The following COL21A1 variants were observed in gnomAD, a reference collection of about 807,000 sequenced individuals.
COL21A1 encodes collagen alpha-1(XXI) chain.
Under a neutral mutation model 137.9 loss-of-function variants are expected in COL21A1, and 149 were observed. The ratio of observed to expected loss-of-function variants is 1.08; its 90% CI spans 0.95 to 1.24. The LOEUF is 1.24. COL21A1 is among the 50% of genes most tolerant of loss of function. The probability of loss-of-function intolerance (pLI) is 0.00; values close to 1 mark genes in which losing one functional copy is unlikely to be tolerated. For missense variants in COL21A1, 1,167 were observed against 1,158.4 expected (o/e 1.01, Z -0.11); for synonymous variants, 456 against 391.5 (o/e 1.16, Z -1.95).
intron 1 of COL21A1, among the ~76,000 whole-genome samples, chr6:56,186,987 T>A (rs1364579820): frequency 1.3e-5 from 2 of 152,248 alleles, no homozygotes; most frequent in Non-Finnish European, 2.9e-5. Flanking sequence ...GTTGGAGAAC[T>A]GATATTAACT....
chr6:56,387,881 A>G (rs1450011746), intron 1 of COL21A1, among the ~76,000 whole-genome samples: 1 of 152,138 alleles, frequency 6.6e-6, no homozygotes, highest in Non-Finnish European at 1.5e-5. Context: ...CTTAGTGCTG[A>G]CCTGGTCTGA....
chr6:56,125,620 C>G lies in COL21A1; in HGVS notation c.1597G>C (p.Gly533Arg). Residue 533 changes from glycine to arginine, a missense_variant and splice_region_variant, in exon 14 of 30, where the codon GGT becomes CGT. Transcript: ENST00000244728. ...PGLHGMPGSK[G>R]EMGAKGDKGS... is the part of the protein sequence containing the mutation. ...TTGTCTCCTTTGGCACCCATTTCAC[C>G]CTAAAAGACAAAATATAAATAGTGA... 6.4e-7 allele frequency: 1 copy of G among 1,565,336 alleles called. No individual in the cohort carries two copies. Among genetic ancestry groups the G allele is most frequent in the East Asian group, 2.3e-5 (1 of 43,762 alleles).
chr6:56,098,856 C>CAG (rs1224808024), intron 17 of COL21A1, among the ~76,000 whole-genome samples: 2 of 148,186 alleles, frequency 1.3e-5, no homozygotes, highest in Admixed American at 7.0e-5. Flanking sequence ...GCTGGGACTA[C>CAG]AGGCACGTGC....
At chr6:56,087,404 G>A (rs1316281848) in intron 17 of COL21A1, among the ~76,000 whole-genome samples, 10 of 152,044 alleles carry the variant, frequency 6.6e-5, no homozygotes, top group Admixed American at 6.6e-4. Context: ...ATTGTCTTAG[G>A]GGGCAAGTAG....
intron 1 of COL21A1, among the ~76,000 whole-genome samples, chr6:56,281,979 CTT>C (rs1342190541): frequency 6.6e-6 from 1 of 152,100 alleles, no homozygotes; most frequent in African/African-American, 2.4e-5. Context: ...ACCAAATAAA[CTT>C]TGCTGTGAGA....
chr6:56,132,121 T>C (rs1430594963), intron 12 of COL21A1, among the ~76,000 whole-genome samples: 1 of 150,770 alleles, frequency 6.6e-6, no homozygotes, highest in African/African-American at 2.4e-5. Context: ...ATAAAATATA[T>C]TTTTAAAGGG....
intron 9 of COL21A1, among the ~76,000 whole-genome samples, chr6:56,158,839 C>A (rs1056522933): frequency 1.3e-5 from 2 of 152,132 alleles, no homozygotes; most frequent in Admixed American, 1.3e-4. Flanking sequence ...AGGGAAATGT[C>A]ATTTTTAAAA....
intron 1 of COL21A1, among the ~76,000 whole-genome samples, chr6:56,383,510 T>C (rs2094012267): frequency 6.6e-6 from 1 of 152,262 alleles, no homozygotes; most frequent in African/African-American, 2.4e-5. Context: ...CATTCATTTC[T>C]TCTCCTTCTC....
At chr6:56,260,673 AAGGAAGGAAGGAAGGAAGGCAGGCAGGC>A (rs1763242152) in intron 1 of COL21A1, among the ~76,000 whole-genome samples, 1 of 125,392 alleles carries the variant, frequency 8.0e-6, no homozygotes, top group African/African-American at 3.7e-5. Flanking sequence ...GGAAGGAAGG[AAGGAAGGAAGGAAGGAAGGCAGGCAGGC>A]AGGCAGGCAG....
At chr6:56,071,020 G>A (rs1292768540) in intron 20 of COL21A1, among the ~76,000 whole-genome samples, 4 of 151,510 alleles carry the variant, frequency 2.6e-5, no homozygotes, top group African/African-American at 7.3e-5. Flanking sequence ...AAAAACCTGT[G>A]TTAAAGCTGG....
At chr6:56,210,849 A>G (rs1035747014) in intron 1 of COL21A1, among the ~76,000 whole-genome samples, 1 of 152,116 alleles carries the variant, frequency 6.6e-6, no homozygotes, top group Non-Finnish European at 1.5e-5. Context: ...GACAAGGGTA[A>G]GGAAACTTAA....
At chr6:56,158,029 C>T (rs1775886097) in intron 9 of COL21A1, among the ~76,000 whole-genome samples, 1 of 152,084 alleles carries the variant, frequency 6.6e-6, no homozygotes, top group Admixed American at 6.5e-5. Flanking sequence ...CAGATGGTCA[C>T]CATCCATGTA....
At chr6:56,190,987 C>T (rs565040922) in intron 1 of COL21A1, among the ~76,000 whole-genome samples, 1 of 152,216 alleles carries the variant, frequency 6.6e-6, no homozygotes, top group African/African-American at 2.4e-5. Context: ...GACAAACCCA[C>T]AGCCAATATC....
chr6:56,212,707 A>T (rs189371674), intron 1 of COL21A1, among the ~76,000 whole-genome samples: 1 of 152,192 alleles, frequency 6.6e-6, no homozygotes, highest in Non-Finnish European at 1.5e-5. Flanking sequence ...ACGAATTGAT[A>T]CAGAGCATCA....
At chr6:56,141,410 G>A (rs147428226) in intron 12 of COL21A1, among the ~76,000 whole-genome samples, 43 of 152,244 alleles carry the variant, frequency 2.8e-4, no homozygotes, top group African/African-American at 8.2e-4. Flanking sequence ...AATAGGCCAC[G>A]TGCCAGATAG....
intron 1 of COL21A1, among the ~76,000 whole-genome samples, chr6:56,338,665 C>T (rs1404916475): frequency 6.6e-6 from 1 of 152,158 alleles, no homozygotes; most frequent in African/African-American, 2.4e-5. Context: ...GCTACATAAG[C>T]AGTTGTATAA....
At chr6:56,119,248 T>A (rs1156907521) in intron 16 of COL21A1, among the ~76,000 whole-genome samples, 3 of 152,072 alleles carry the variant, frequency 2.0e-5, no homozygotes, top group Non-Finnish European at 4.4e-5. Context: ...AAAGTCAACA[T>A]ACAAAAATCA....
At chr6:56,267,854 C>A (rs1227480966) in intron 1 of COL21A1, among the ~76,000 whole-genome samples, 1 of 151,814 alleles carries the variant, frequency 6.6e-6, no homozygotes. Flanking sequence ...CAACTAGATG[C>A]AGCCAGAAAG....
intron 1 of COL21A1, among the ~76,000 whole-genome samples, chr6:56,278,016 A>T (rs1763708073): frequency 6.6e-6 from 1 of 152,200 alleles, no homozygotes; most frequent in African/African-American, 2.4e-5. Flanking sequence ...AAATAATGAT[A>T]TTGTTCAAAG....
Sources: allele counts gnomAD v4.1 joint callset (sites outside exome capture counted in the v4.1 genomes callset), GRCh38; gene constraint gnomAD v4.1.1; transcripts MANE v1.5; gene names NCBI Gene and HGNC (gene_info 2026-07-23, HGNC 2026-07-21).